The following ENG variants were observed in gnomAD, a reference collection of about 807,000 sequenced individuals.
ENG encodes the protein endoglin, also known as CD105 antigen.
In ENG, 17 loss-of-function variants were observed where a neutral mutation model predicts 71.0. That is an observed-to-expected ratio of 0.24 (90% CI 0.16 to 0.36). The LOEUF (loss-of-function observed/expected upper bound fraction) is 0.36, where lower values mean the gene tolerates loss of function less well. Ranked by LOEUF, ENG falls within the 10% of genes least tolerant of loss-of-function variation. ENG has a pLI of 1.00. For missense variants in ENG, 749 were observed against 868.3 expected (o/e 0.86, Z 1.73); for synonymous variants, 360 against 366.9 (o/e 0.98, Z 0.21).
rs58967129 is a variant in ENG at position 127,843,756 on chromosome 9, T to TATATATATATATA, written c.68-512_68-511insTATATATATATAT. The stretch of plus-strand genomic sequence containing the variant: ...ACATACATATATATATATATATATA[T>TATATATATATATA]TTTTTTTTTTTTTTTTTTTTTTTTT... On this transcript the variant is annotated intron_variant, in intron 1 of 14. Transcript: ENST00000373203. Among the ~76,000 whole-genome samples the TATATATATATATA allele has an allele frequency of 2.1e-3, 9 of 4,254 alleles. 1 individual carries two copies. Among genetic ancestry groups the TATATATATATATA allele is most frequent in the African/African-American group, 4.1e-3 (7 of 1,698 alleles). The allele number at this position is 4,254 out of a possible 152,430, so 2.8% of individuals were successfully genotyped here. A position where few individuals can be genotyped will look rare whatever the true frequency, so the allele number is the denominator to read the frequency against.
chr9:127,817,286 A>T (rs1052120100), intron 12 of ENG, 83 bp from the exon 13 acceptor site: 2 of 1,422,764 alleles, frequency 1.4e-6, no homozygotes, highest in African/African-American at 2.8e-5. Context: ...ACCCCAGCCC[A>T]CCCTAGAGCC....
In ENG at chr9:127,818,312, C is replaced by T. The variant is rs759712732; in HGVS notation, c.1494G>A (p.Gly498=). ...TGAGTTCCACGGTGCCTCCCTCAGGCCCCAAGTCCAGGTGGCAGCTGTCTA... is the reference window on the plus strand; with the variant it reads ...TGAGTTCCACGGTGCCTCCCTCAGGTCCCAAGTCCAGGTGGCAGCTGTCTA... The part of the protein sequence containing the change: ...LQLDSCHLDL[G]PEGGTVELIQ... The change falls in exon 12 of 15, where the codon GGG becomes GGA. Residue 498 remains glycine (G), a synonymous_variant. Coordinates refer to ENST00000373203, the MANE Select transcript of ENG (RefSeq NM_001114753.3). 6 of 1,613,926 alleles carry T rather than the reference C, an allele frequency of 3.7e-6. No homozygotes were observed. In the African/African-American group the frequency reaches 4.0e-5, roughly 11 times the overall value.
intron 8 of ENG, among the ~76,000 whole-genome samples, chr9:127,820,301 C>G (rs1830440282): frequency 6.6e-6 from 1 of 152,068 alleles, no homozygotes; most frequent in African/African-American, 2.4e-5. Flanking sequence ...TCAAGCGATT[C>G]TCCTGCCTTG....
chr9:127,831,851 C>T (rs999527259), intron 2 of ENG, among the ~76,000 whole-genome samples: 1 of 151,094 alleles, frequency 6.6e-6, no homozygotes, highest in African/African-American at 2.4e-5. Context: ...GCCACCACAC[C>T]AGATTAATTT....
intron 2 of ENG, among the ~76,000 whole-genome samples, chr9:127,830,031 C>T (rs113850064): frequency 3.4e-4 from 52 of 152,026 alleles, no homozygotes; most frequent in African/African-American, 1.1e-3. Context: ...GAGGTAAGCC[C>T]GGCAAATCTG....
intron 1 of ENG, among the ~76,000 whole-genome samples, chr9:127,850,825 G>A (rs1272799413): frequency 1.3e-5 from 2 of 152,216 alleles, no homozygotes; most frequent in Non-Finnish European, 2.9e-5. Flanking sequence ...AGGAAAAGGT[G>A]CACGTACCAA....
At chr9:127,839,713 G>T (rs573181324) in intron 2 of ENG, among the ~76,000 whole-genome samples, 1 of 152,008 alleles carries the variant, frequency 6.6e-6, no homozygotes, top group Non-Finnish European at 1.5e-5. Context: ...CTGCCACCAC[G>T]CCTGGCTAAT....
At chr9:127,822,532 A>G (rs141213634) in intron 8 of ENG, 2 of 152,354 alleles carry the variant, frequency 1.3e-5, no homozygotes, top group African/African-American at 4.8e-5. Context: ...CATTTTTTGC[A>G]TATTTATAAT....
At chr9:127,819,497 G>T in intron 10 of ENG, 125 bp downstream of exon 10, 1 of 1,304,610 alleles carries the variant, frequency 7.7e-7, no homozygotes, top group Non-Finnish European at 1.1e-6. Flanking sequence ...GGAGACCGAG[G>T]CATTCCAGAC....
chr9:127,833,004 G>A (rs1449410086), intron 2 of ENG, among the ~76,000 whole-genome samples: 4 of 152,088 alleles, frequency 2.6e-5, no homozygotes, highest in East Asian at 1.9e-4. Flanking sequence ...TGATCCACCC[G>A]CCTTGGCCTC....
chr9:127,848,164 A>G (rs1231866997), intron 1 of ENG, among the ~76,000 whole-genome samples: 2 of 152,148 alleles, frequency 1.3e-5, no homozygotes, highest in African/African-American at 4.8e-5. Context: ...ACTGGTGACT[A>G]CTATCACAAT....
At chr9:127,825,171 T>G (rs1394048968) in intron 6 of ENG, 60 bp downstream of exon 6, 2 of 1,612,852 alleles carry the variant, frequency 1.2e-6, no homozygotes, top group African/African-American at 2.7e-5. Flanking sequence ...TCCAGGAAAC[T>G]TCCCTGATCC....
chr9:127,817,352 TG>T (rs1264622774), intron 12 of ENG, 149 bp from the exon 13 acceptor site: 18 of 780,846 alleles, frequency 2.3e-5, no homozygotes, highest in Admixed American at 1.4e-4. Flanking sequence ...GGGTGAGTCC[TG>T]GAAGATCTGT....
chr9:127,816,536 CCAAG>C (rs1486171246), intron 13 of ENG: 2 of 261,830 alleles, frequency 7.6e-6, no homozygotes, highest in African/African-American at 4.4e-5. Context: ...TGGCTATGGG[CCAAG>C]CAGTCTTTCC....
intron 2 of ENG, among the ~76,000 whole-genome samples, chr9:127,835,414 A>G (rs1157520117): frequency 6.6e-6 from 1 of 152,042 alleles, no homozygotes; most frequent in African/African-American, 2.4e-5. Flanking sequence ...CCTACAGTCC[A>G]TTGCTGTGCG....
chr9:127,821,488 G>A (rs1011357740), intron 8 of ENG: 9 of 152,120 alleles, frequency 5.9e-5, no homozygotes, highest in Admixed American at 3.3e-4. Flanking sequence ...CCCGCACTTT[G>A]GGAGGCTGAG....
intron 2 of ENG, among the ~76,000 whole-genome samples, chr9:127,841,949 C>CCTT (rs2131916025): frequency 6.6e-6 from 1 of 152,306 alleles, no homozygotes; most frequent in African/African-American, 2.4e-5. Context: ...GGCAGATGAG[C>CCTT]CTTGGGAGGC....
chr9:127,824,268 T>A, intron 8 of ENG, 36 bp downstream of exon 8: 1 of 1,613,906 alleles, frequency 6.2e-7, no homozygotes, highest in East Asian at 2.2e-5. Flanking sequence ...CAGATGTCCA[T>A]GTCATCCTGA....
At position 127,815,945 on chromosome 9, in the gene ENG, G is replaced by T. The variant is rs201031046; in HGVS notation, c.1850C>A (p.Thr617Lys). ...TAALWYIYSH[T>K]RSPSKREPVV... ...CTGTGGGGGCCTGGGGTACTCACGC[G>T]TGTGCGAGTAGATGTACCAGAGTGC... Residue 617 changes from threonine (T) to lysine (K), a missense_variant and splice_region_variant, in exon 14 of 15, where the codon ACG becomes AAG. By Grantham distance (78) the Thr-to-Lys change is moderately conservative (BLOSUM62 -1). Transcript: ENST00000373203. 6.3e-7 allele frequency: 1 copy of T among 1,596,604 alleles called. No homozygotes were observed. The highest frequency in any genetic ancestry group is 1.1e-5 in the South Asian group (1 of 88,286).
Sources: allele counts gnomAD v4.1 joint callset (sites outside exome capture counted in the v4.1 genomes callset), GRCh38; gene constraint gnomAD v4.1.1; transcripts MANE v1.5; gene names NCBI Gene and HGNC (gene_info 2026-07-23, HGNC 2026-07-21).